The following ANKAR variants were observed in gnomAD, a reference collection of about 807,000 sequenced individuals.
ANKAR encodes ankyrin and armadillo repeat-containing protein.
ANKAR carries 136 observed loss-of-function variants against 146.2 expected under a neutral mutation model. The observed-to-expected ratio is 0.93, with a 90% CI of 0.81 to 1.07. The LOEUF is 1.07. Among genes scored for constraint, ANKAR ranks in the 50% least tolerant of loss-of-function variants. The probability of loss-of-function intolerance (pLI) is 0.00; values close to 1 mark genes in which losing one functional copy is unlikely to be tolerated. For synonymous variants in ANKAR, 500 were observed against 575.8 expected, an observed-to-expected ratio of 0.87 and a Z score of 1.88; for missense variants, 1,567 against 1,679.9, an observed-to-expected ratio of 0.93 and a Z score of 1.18.
At chr2:189,691,709 G>GAT (rs1256230975) in intron 3 of ANKAR, among the ~76,000 whole-genome samples, 5 of 144,068 alleles carry the variant, frequency 3.5e-5, no homozygotes, top group Non-Finnish European at 6.1e-5. Flanking sequence ...GTATATATTT[G>GAT]AGATATATAT....
intron 22 of ANKAR, among the ~76,000 whole-genome samples, chr2:189,745,017 A>ACTG (rs1490284954): frequency 8.6e-6 from 1 of 116,218 alleles, no homozygotes; most frequent in East Asian, 2.6e-4. Context: ...TACTACTACT[A>ACTG]CTACTACTAC....
At chr2:189,693,601 G>T (rs1047379270) in intron 5 of ANKAR, among the ~76,000 whole-genome samples, 1 of 152,142 alleles carries the variant, frequency 6.6e-6, no homozygotes, top group Non-Finnish European at 1.5e-5. Flanking sequence ...TTGCTTGTTG[G>T]TTCGTTTGTT....
chr2:189,748,177 G>A (rs2044460464), downstream of ANKAR, among the ~76,000 whole-genome samples: 1 of 152,166 alleles, frequency 6.6e-6, no homozygotes, highest in Non-Finnish European at 1.5e-5. Context: ...GTCAGTGGGT[G>A]AGTGAGTGGG....
intron 18 of ANKAR, chr2:189,752,645 C>A: frequency 6.2e-7 from 1 of 1,613,384 alleles, no homozygotes; most frequent in South Asian, 1.1e-5. Flanking sequence ...ATGAATGATA[C>A]CACATACTTT....
chr2:189,704,465 C>G (rs10195109), intron 7 of ANKAR, among the ~76,000 whole-genome samples: 1 of 146,016 alleles, frequency 6.8e-6, no homozygotes, highest in South Asian at 2.2e-4. Context: ...ACTCTACCCA[C>G]ATAATAAATA....
chr2:189,751,224 G>A (rs2045141321), downstream of ANKAR, among the ~76,000 whole-genome samples: 1 of 152,076 alleles, frequency 6.6e-6, no homozygotes, highest in Admixed American at 6.5e-5. Context: ...ATAAGGCTTT[G>A]CTTTGACTGA....
At chr2:189,697,804 A>G (rs2037440625) in intron 7 of ANKAR, among the ~76,000 whole-genome samples, 1 of 152,010 alleles carries the variant, frequency 6.6e-6, no homozygotes, top group South Asian at 2.1e-4. Flanking sequence ...TCTACTTCCA[A>G]TATTATTGCT....
chr2:189,691,045 G>T (rs943160962), intron 3 of ANKAR, among the ~76,000 whole-genome samples: 1 of 152,108 alleles, frequency 6.6e-6, no homozygotes, highest in Non-Finnish European at 1.5e-5. Flanking sequence ...CCTAGTCTTT[G>T]CTGGAATTTG....
Position 189,729,721 on chromosome 2 carries a change from G to A in ANKAR, c.3194-774G>A, listed in dbSNP as rs565305026. ...GTGTGTGTGTGTGTGTGTGTGGTGC[G>A]GGTGGGGGGTTTGTGGGGACAAAGG... On this transcript the variant is annotated intron_variant, in intron 15 of 22. Coordinates refer to ENST00000684021, the MANE Select transcript of ANKAR (RefSeq NM_001378068.1). Among the ~76,000 whole-genome samples, 98 of 3,618 alleles carry A rather than the reference G, an allele frequency of 0.027. No homozygotes were observed. In the South Asian group the frequency reaches 0.41, roughly 15 times the overall value. The allele number at this position is 3,618 out of a possible 152,430, so 2.4% of individuals were successfully genotyped here.
intron 18 of ANKAR, chr2:189,754,258 T>G: frequency 6.2e-7 from 1 of 1,613,916 alleles, no homozygotes; most frequent in Non-Finnish European, 8.5e-7. Context: ...TGAAATCTAT[T>G]TCCTTGTTTG....
intron 18 of ANKAR, among the ~76,000 whole-genome samples, chr2:189,758,545 G>A (rs1474648787): frequency 1.3e-5 from 2 of 152,156 alleles, no homozygotes; most frequent in Non-Finnish European, 2.9e-5. Flanking sequence ...GTGGAAACAC[G>A]AACCAATTAA....
chr2:189,762,691 C>T, downstream of ANKAR: 2 of 985,428 alleles, frequency 2.0e-6, no homozygotes, highest in Non-Finnish European at 1.2e-6. Context: ...CCACCTTCCA[C>T]TTGGGCGGCA....
chr2:189,755,476 A>G (rs746412119), intron 18 of ANKAR: 2 of 1,601,648 alleles, frequency 1.2e-6, no homozygotes, highest in Non-Finnish European at 8.5e-7. Context: ...GAGAGACTCC[A>G]CTGGCAGAAA....
Position 189,738,700 on chromosome 2 carries a change from G to A in ANKAR, c.3700+18G>A. On this transcript the variant is annotated intron_variant, in intron 19 of 22. Transcript: ENST00000684021. ...CTTGACAGGTAAGAAATGACTAGAAGTTAATTTTAGCCACATAAAACTATT... is the reference window on the plus strand; with the variant it reads ...CTTGACAGGTAAGAAATGACTAGAAATTAATTTTAGCCACATAAAACTATT... 6.9e-7 allele frequency: 1 copy of A among 1,459,620 alleles called. No individual in the cohort carries two copies. Among genetic ancestry groups the A allele is most frequent in the South Asian group, 1.2e-5 (1 of 82,752 alleles). 90.4% of individuals were successfully genotyped at this position (1,459,620 alleles called of 1,614,324 possible).
chr2:189,684,653 G>A (rs1183533760), intron 2 of ANKAR, among the ~76,000 whole-genome samples: 1 of 151,622 alleles, frequency 6.6e-6, no homozygotes, highest in Admixed American at 6.6e-5. Context: ...TCAGGAGTTC[G>A]AGACCAGGCT....
intron 18 of ANKAR, chr2:189,755,099 G>T: frequency 6.6e-7 from 1 of 1,513,936 alleles, no homozygotes; most frequent in Non-Finnish European, 8.9e-7. Context: ...GTGAATGGTG[G>T]TAGCACATCT....
intron 10 of ANKAR, among the ~76,000 whole-genome samples, chr2:189,719,106 T>C (rs932917471): frequency 2.6e-5 from 4 of 152,254 alleles, no homozygotes; most frequent in Non-Finnish European, 5.9e-5. Context: ...GAGACTAATG[T>C]TGCATTTTAC....
chr2:189,714,400 C>T (rs925952845), intron 10 of ANKAR, among the ~76,000 whole-genome samples: 6 of 152,106 alleles, frequency 3.9e-5, no homozygotes, highest in Non-Finnish European at 8.8e-5. Context: ...AAAGAAATCA[C>T]AACAAACTGT....
At chr2:189,714,154 A>G (rs1284908847) in intron 10 of ANKAR, among the ~76,000 whole-genome samples, 3 of 152,212 alleles carry the variant, frequency 2.0e-5, no homozygotes, top group African/African-American at 4.8e-5. Flanking sequence ...CTCCCACACA[A>G]TAATAGTGGG....
Sources: allele counts gnomAD v4.1 joint callset (sites outside exome capture counted in the v4.1 genomes callset), GRCh38; gene constraint gnomAD v4.1.1; transcripts MANE v1.5; gene names NCBI Gene and HGNC (gene_info 2026-07-23, HGNC 2026-07-21).